The following PLCB1 variants were observed in gnomAD, a reference collection of about 807,000 sequenced individuals.
The protein encoded by PLCB1 is 1-phosphatidylinositol 4,5-bisphosphate phosphodiesterase beta-1.
PLCB1 carries 46 observed loss-of-function variants against 161.8 expected under a neutral mutation model. That is an observed-to-expected ratio of 0.28 (90% confidence interval 0.22 to 0.36). The LOEUF is 0.36. Among genes scored for constraint, PLCB1 ranks in the 10% least tolerant of loss-of-function variants. The probability of loss-of-function intolerance (pLI) is 1.00; values close to 1 mark genes in which losing one functional copy is unlikely to be tolerated. For synonymous variants in PLCB1, 517 were observed against 503.7 expected, an observed-to-expected ratio of 1.03 and a Z score of -0.35; for missense variants, 1,016 against 1,472.5, an observed-to-expected ratio of 0.69 and a Z score of 5.07.
At chr20:8,745,911 A>G (rs947092334) in intron 23 of PLCB1, among the ~76,000 whole-genome samples, 9 of 152,174 alleles carry the variant, frequency 5.9e-5, no homozygotes, top group African/African-American at 2.2e-4. Context: ...ATATCCTTCT[A>G]GCATGTTTCC....
At chr20:8,872,113 T>G (rs1987630076) in intron 31 of PLCB1, among the ~76,000 whole-genome samples, 1 of 152,064 alleles carries the variant, frequency 6.6e-6, no homozygotes. Context: ...TATGTTGCCT[T>G]CTTAGCCCTG....
At chr20:8,320,717 C>T (rs1984870891) in intron 2 of PLCB1, among the ~76,000 whole-genome samples, 2 of 151,812 alleles carry the variant, frequency 1.3e-5, no homozygotes, top group East Asian at 3.9e-4. Context: ...TAAGACTTTC[C>T]TTTGCCATCC....
At chr20:8,702,037 A>T (rs1161631859) in intron 11 of PLCB1, among the ~76,000 whole-genome samples, 1 of 152,214 alleles carries the variant, frequency 6.6e-6, no homozygotes, top group Non-Finnish European at 1.5e-5. Context: ...ATCTGCTTTC[A>T]GTATGTGTGA....
intron 2 of PLCB1, among the ~76,000 whole-genome samples, chr20:8,171,803 G>A (rs1334421473): frequency 6.6e-6 from 1 of 152,110 alleles, no homozygotes; most frequent in African/African-American, 2.4e-5. Context: ...TACTTCTACT[G>A]TACCAGAAAT....
chr20:8,673,544 A>G (rs1240665994), intron 9 of PLCB1, among the ~76,000 whole-genome samples: 2 of 152,160 alleles, frequency 1.3e-5, no homozygotes, highest in Non-Finnish European at 2.9e-5. Flanking sequence ...GTTGGACTTC[A>G]GGGTACCGTT....
chr20:8,510,897 T>A (rs1983857812), intron 3 of PLCB1, among the ~76,000 whole-genome samples: 1 of 152,204 alleles, frequency 6.6e-6, no homozygotes, highest in Non-Finnish European at 1.5e-5. Flanking sequence ...CATATGTTTA[T>A]GGGGTACAAT....
intron 31 of PLCB1, among the ~76,000 whole-genome samples, chr20:8,857,211 C>G (rs1447181456): frequency 6.6e-6 from 1 of 152,192 alleles, no homozygotes; most frequent in African/African-American, 2.4e-5. Context: ...CAACTCAGCA[C>G]TGCAACAGTA....
intron 10 of PLCB1, among the ~76,000 whole-genome samples, chr20:8,688,058 GT>G (rs1372111809): frequency 6.6e-6 from 1 of 152,130 alleles, no homozygotes; most frequent in African/African-American, 2.4e-5. Flanking sequence ...TCGCATTGTG[GT>G]TTTGATTTGC....
At chr20:8,418,356 C>T (rs1228259209) in intron 3 of PLCB1, among the ~76,000 whole-genome samples, 1 of 152,178 alleles carries the variant, frequency 6.6e-6, no homozygotes, top group Non-Finnish European at 1.5e-5. Flanking sequence ...AGCACCAGCC[C>T]AACCTTCAGG....
chr20:8,346,151 T>C (rs1775536445), intron 2 of PLCB1, among the ~76,000 whole-genome samples: 1 of 152,204 alleles, frequency 6.6e-6, no homozygotes, highest in Non-Finnish European at 1.5e-5. Context: ...ATAGTAAAAG[T>C]ATTCAGGTTG....
At chr20:8,513,561 G>C (rs1361485625) in intron 3 of PLCB1, among the ~76,000 whole-genome samples, 1 of 152,212 alleles carries the variant, frequency 6.6e-6, no homozygotes, top group African/African-American at 2.4e-5. Context: ...GAAGCCAAGA[G>C]AGAAACATCC....
In PLCB1 at chr20:8,132,483, G is replaced by C. The variant is rs887183769; in HGVS notation, c.-169G>C. The C allele has an allele frequency of 2.0e-5, 7 of 358,876 alleles. No individual in the cohort carries two copies. Among genetic ancestry groups the C allele is most frequent in the East Asian group, 4.4e-5 (1 of 22,870 alleles). The allele number at this position is 358,876 out of a possible 1,614,324, so 22.2% of individuals were successfully genotyped here. A position where few individuals can be genotyped will look rare whatever the true frequency, so the allele number is the denominator to read the frequency against. ...CCCCCGCGCGCTCTGCCTGCTGAGC[G>C]GCGCCGGAGGGAGGTGCGGAGGCCG... On this transcript the variant is annotated 5_prime_UTR_variant, in exon 1 of 32. Coordinates refer to ENST00000338037, the MANE Select transcript of PLCB1 (RefSeq NM_015192.4). The surrounding 1 kb of genome is among the most constrained non-coding windows in gnomAD (Gnocchi z 5.2).
chr20:8,334,323 C>T (rs1377720763), intron 2 of PLCB1, among the ~76,000 whole-genome samples: 1 of 152,188 alleles, frequency 6.6e-6, no homozygotes, highest in Admixed American at 6.5e-5. Context: ...ACTTCCTTCA[C>T]CTGTAACTGA....
At chr20:8,820,672 G>A (rs774190372) in intron 31 of PLCB1, among the ~76,000 whole-genome samples, 16 of 152,020 alleles carry the variant, frequency 1.1e-4, no homozygotes, top group Non-Finnish European at 2.1e-4. Context: ...TATCAGGAGC[G>A]TTGTGCCAGA....
intron 3 of PLCB1, among the ~76,000 whole-genome samples, chr20:8,567,120 A>G (rs1425405392): frequency 6.6e-6 from 1 of 152,154 alleles, no homozygotes; most frequent in East Asian, 1.9e-4. Flanking sequence ...TGGCCTGGGC[A>G]CTGGCCTCAC....
chr20:8,168,238 G>A lies in PLCB1; in HGVS notation c.177+17867G>A, dbSNP rs556451929. On this transcript the variant is annotated intron_variant, in intron 2 of 31. Transcript: ENST00000338037. The stretch of plus-strand genomic sequence containing the variant: ...GAAAAGTCACACTGCAAAGAGGCAT[G>A]GTTACAGTGAGAAGAATAATTTGTG... Among the ~76,000 whole-genome samples, 65 of 152,270 alleles carry A rather than the reference G, an allele frequency of 4.3e-4. 1 individual carries two copies. In the South Asian group the frequency reaches 0.013, roughly 31 times the overall value.
chr20:8,191,993 C>T (rs892571060), intron 2 of PLCB1, among the ~76,000 whole-genome samples: 1 of 151,886 alleles, frequency 6.6e-6, no homozygotes, highest in Non-Finnish European at 1.5e-5. Context: ...TGTTGGATTT[C>T]TGGTTTTCAG....
intron 31 of PLCB1, among the ~76,000 whole-genome samples, chr20:8,862,310 G>A (rs971037547): frequency 2.0e-5 from 3 of 152,154 alleles, no homozygotes; most frequent in Admixed American, 1.3e-4. Context: ...TAGTTTATCC[G>A]TCTATTCCAT....
intron 2 of PLCB1, among the ~76,000 whole-genome samples, chr20:8,312,236 C>T (rs919716629): frequency 2.0e-5 from 3 of 152,056 alleles, no homozygotes; most frequent in East Asian, 1.9e-4. Context: ...CCCCTCTCCC[C>T]GCCTCCTCAC....
Sources: gnomAD v4.1 joint callset for allele counts (sites outside exome capture counted in the v4.1 genomes callset) on GRCh38, gnomAD v4.1.1 for gene constraint, Gnocchi (gnomAD v3.1) non-coding constraint, MANE v1.5 for transcripts, NCBI Gene and HGNC (gene_info 2026-07-23, HGNC 2026-07-21) for gene names.